TPGS2: variants seen among roughly 807,000 people sequenced by gnomAD.
TPGS2 encodes the protein polyglutamylase subunit 2.
In TPGS2, 26 loss-of-function variants were observed where a neutral mutation model predicts 31.1. The observed-to-expected ratio is 0.84, with a 90% CI of 0.61 to 1.16. The LOEUF (loss-of-function observed/expected upper bound fraction) is 1.16, where lower values mean the gene tolerates loss of function less well. TPGS2 is among the 50% of genes most tolerant of loss of function. The pLI is 0.00. For synonymous variants in TPGS2, 130 were observed against 136.6 expected (o/e 0.95, Z 0.34); for missense variants, 351 against 363.8 (o/e 0.96, Z 0.29).
At chr18:36,824,639 A>T (rs968097902) in intron 1 of TPGS2, among the ~76,000 whole-genome samples, 2 of 152,136 alleles carry the variant, frequency 1.3e-5, no homozygotes, top group Non-Finnish European at 2.9e-5. Flanking sequence ...AATCATCTTT[A>T]TGTGTGCTCA....
Position 36,794,740 on chromosome 18 carries a change from C to T in TPGS2, c.*2065G>A, listed in dbSNP as rs1048748977. The T allele has an allele frequency of 9.1e-6, 9 of 985,028 alleles. No individual in the cohort carries two copies. In the East Asian group the frequency reaches 9.1e-4, roughly 99 times the overall value. The allele number at this position is 985,028 out of a possible 1,614,324, so 61.0% of individuals were successfully genotyped here. A position where few individuals can be genotyped will look rare whatever the true frequency, so the allele number is the denominator to read the frequency against. ...TTTTCTGCCACTCCATGAATTGTTG[C>T]ACATTTATAAATCCTTGAAGTATAA... On this transcript the variant is annotated 3_prime_UTR_variant, in exon 7 of 7. Transcript: ENST00000334295.
In TPGS2 at chr18:36,796,797, A is replaced by C; in HGVS notation, c.*8T>G. 6.3e-7 allele frequency: 1 copy of C among 1,590,966 alleles called. No homozygotes were observed. Among genetic ancestry groups the C allele is most frequent in the Non-Finnish European group, 8.5e-7 (1 of 1,173,502 alleles). ...CTGGAGCTGGTAGGGAGTTGGAGGG[A>C]GGGGTGCTCACTTCCGGGTGGGGTT... On this transcript the variant is annotated 3_prime_UTR_variant, in exon 7 of 7. Transcript: ENST00000334295.
intron 1 of TPGS2, among the ~76,000 whole-genome samples, chr18:36,822,909 ATATT>A (rs1475493511): frequency 6.6e-6 from 1 of 152,148 alleles, no homozygotes; most frequent in Non-Finnish European, 1.5e-5. Flanking sequence ...ATGACCATTT[ATATT>A]TATGTTATGA....
chr18:36,821,360 A>AC (rs2045888337), intron 1 of TPGS2, among the ~76,000 whole-genome samples: 1 of 152,108 alleles, frequency 6.6e-6, no homozygotes, highest in Admixed American at 6.6e-5. Context: ...CACTTGAGAG[A>AC]CCCCAAATGA....
At position 36,828,998 on chromosome 18, in the gene TPGS2, T is replaced by TTCGCCCCCACCCTC; in HGVS notation, c.-232_-231insGAGGGTGGGGGCGA. The TTCGCCCCCACCCTC allele has an allele frequency of 2.6e-6, 3 of 1,150,098 alleles. No individual in the cohort carries two copies. The highest frequency in any genetic ancestry group is 2.3e-6 in the Non-Finnish European group (2 of 859,144). The allele number at this position is 1,150,098 out of a possible 1,614,324, so 71.2% of individuals were successfully genotyped here. ...CGCACCTCCGGGACGTAGCTTCCCC[T>TTCGCCCCCACCCTC]TCGCCCCCACCCTCTCGCCCCGCAG... On this transcript the variant is annotated 5_prime_UTR_variant, in exon 1 of 7. Transcript: ENST00000334295.
At chr18:36,782,814 C>T (rs1567986798), downstream of TPGS2, among the ~76,000 whole-genome samples, 1 of 152,210 alleles carries the variant, frequency 6.6e-6, no homozygotes, top group Non-Finnish European at 1.5e-5. Flanking sequence ...GAGTCCCTCA[C>T]TAAACATTTG....
chr18:36,781,858 C>A, downstream of TPGS2: 3 of 985,416 alleles, frequency 3.0e-6, no homozygotes, highest in South Asian at 4.7e-5. Flanking sequence ...GATGTGAACA[C>A]CCCAGGAGAG....
chr18:36,782,569 T>C (rs541350963), downstream of TPGS2, among the ~76,000 whole-genome samples: 33 of 152,088 alleles, frequency 2.2e-4, no homozygotes, highest in African/African-American at 7.7e-4. Flanking sequence ...CACTGGGTAT[T>C]TTTTTTCTCT....
Position 36,784,431 on chromosome 18 carries a change from C to A in TPGS2, c.658-1300G>T, listed in dbSNP as rs150107770. On this transcript the variant is annotated intron_variant, in intron 6 of 6. Transcript: ENST00000587129. The stretch of plus-strand genomic sequence containing the variant: ...TATCTAGATTTTTAAAATCAGAAAT[C>A]ATTTTATCAGATAAGTACAAATAAT... Among the ~76,000 whole-genome samples the A allele has an allele frequency of 1.7e-4, 26 of 152,286 alleles. No individual in the cohort carries two copies. The East Asian group carries it at 4.8e-3, about 28-fold the overall frequency.
downstream of TPGS2, chr18:36,780,271 A>G: frequency 9.7e-7 from 1 of 1,035,626 alleles, no homozygotes; most frequent in Non-Finnish European, 1.2e-6. Context: ...TCCTTGTTAC[A>G]GGACGTGTTA....
In TPGS2 at chr18:36,818,931, G is replaced by A. The variant is rs1228187606; in HGVS notation, c.128C>T (p.Pro43Leu). ...AGAAATCATATGACGTTCAGCAGGA[G>A]GCTTTTCTATGATGGTCACCTCAGT... ...GVTEVTIIEKPPAERHMISSW... is the reference protein window; with the variant it reads ...GVTEVTIIEKLPAERHMISSW... The change falls in exon 2 of 7, where the codon CCT becomes CTT. Residue 43 changes from proline (P) to leucine (L), a missense_variant. Physicochemically the swap from Pro to Leu is moderately conservative, Grantham distance 98. Coordinates refer to ENST00000334295, the MANE Select transcript of TPGS2 (RefSeq NM_015476.4). 1 of 1,613,836 alleles carries A rather than the reference G, an allele frequency of 6.2e-7. No homozygotes were observed. Among genetic ancestry groups the A allele is most frequent in the East Asian group, 2.2e-5 (1 of 44,880 alleles).
chr18:36,790,987 TGGA>T (rs1207380750), downstream of TPGS2, among the ~76,000 whole-genome samples: 1 of 152,306 alleles, frequency 6.6e-6, no homozygotes, highest in Non-Finnish European at 1.5e-5. Context: ...TCCCCAATGT[TGGA>T]GGAGGGGCCT....
At chr18:36,806,868 A>AAAGT (rs2045167249) in intron 3 of TPGS2, among the ~76,000 whole-genome samples, 1 of 149,316 alleles carries the variant, frequency 6.7e-6, no homozygotes, top group African/African-American at 2.5e-5. Flanking sequence ...AAAAAAAAAA[A>AAAGT]AAAAAAAAAA....
intron 4 of TPGS2, 87 bp from the exon 5 acceptor site, chr18:36,800,398 C>G: frequency 1.8e-6 from 2 of 1,131,370 alleles, no homozygotes; most frequent in Non-Finnish European, 2.7e-6. Context: ...GTGGAAAAAA[C>G]AGAAGGAAAA....
At chr18:36,814,612 T>C (rs150323865) in intron 2 of TPGS2, among the ~76,000 whole-genome samples, 1 of 152,294 alleles carries the variant, frequency 6.6e-6, no homozygotes, top group East Asian at 1.9e-4. Context: ...AGAAGTTACA[T>C]TACTTAGCCA....
Position 36,794,757 on chromosome 18 carries a change from G to GAAGT in TPGS2, c.*2044_*2047dup, listed in dbSNP as rs1218638437. 2 of 983,972 alleles carry GAAGT rather than the reference G, an allele frequency of 2.0e-6. No individual in the cohort carries two copies. Among genetic ancestry groups the GAAGT allele is most frequent in the African/African-American group, 3.5e-5 (2 of 56,630 alleles). 61.0% of individuals were successfully genotyped at this position (983,972 alleles called of 1,614,324 possible). ...AATTGTTGCACATTTATAAATCCTT[G>GAAGT]AAGTATAATAACCTAAACAACTAAA... On this transcript the variant is annotated 3_prime_UTR_variant, in exon 7 of 7. Coordinates refer to ENST00000334295, the MANE Select transcript of TPGS2 (RefSeq NM_015476.4).
At chr18:36,818,063 TCTCTA>T (rs1038499434) in intron 2 of TPGS2, among the ~76,000 whole-genome samples, 2 of 152,196 alleles carry the variant, frequency 1.3e-5, no homozygotes, top group African/African-American at 4.8e-5. Flanking sequence ...TGCTGAGCTC[TCTCTA>T]CCTTGCTCTC....
At chr18:36,810,506 G>A (rs1195187710) in intron 2 of TPGS2, among the ~76,000 whole-genome samples, 1 of 152,136 alleles carries the variant, frequency 6.6e-6, no homozygotes, top group Admixed American at 6.5e-5. Context: ...TTTGGGGGGT[G>A]TGATAGGAGG....
chr18:36,787,992 G>A (rs1312015045), intron 6 of TPGS2, among the ~76,000 whole-genome samples: 2 of 152,074 alleles, frequency 1.3e-5, no homozygotes, highest in African/African-American at 4.8e-5. Flanking sequence ...TCTATCTATT[G>A]GTCAATCTAT....
Sources: allele counts gnomAD v4.1 joint callset (sites outside exome capture counted in the v4.1 genomes callset), GRCh38; gene constraint gnomAD v4.1.1; transcripts MANE v1.5; gene names NCBI Gene and HGNC (gene_info 2026-07-23, HGNC 2026-07-21).